CASD1: variants seen among roughly 807,000 people sequenced by gnomAD.
CASD1 encodes the protein CAS1 domain sialic acid O acetyltransferase 1.
A neutral mutation model predicts 100.0 loss-of-function variants in CASD1; 41 were observed. The ratio of observed to expected loss-of-function variants is 0.41; its 90% CI spans 0.32 to 0.53. CASD1 has a LOEUF of 0.53. CASD1 is among the 20% of genes least tolerant of loss of function. The probability of loss-of-function intolerance (pLI) is 0.25; values close to 1 mark genes in which losing one functional copy is unlikely to be tolerated. For missense variants in CASD1, 774 were observed against 948.7 expected (o/e 0.82, Z 2.42); for synonymous variants, 321 against 315.6 (o/e 1.02, Z -0.18).
At chr7:94,532,551 T>TA (rs1224094605) in intron 5 of CASD1, among the ~76,000 whole-genome samples, 3 of 152,182 alleles carry the variant, frequency 2.0e-5, no homozygotes, top group Admixed American at 6.5e-5. Flanking sequence ...GCACATAATT[T>TA]AAAACTTAGG....
At position 94,510,163 on chromosome 7, in the gene CASD1, C is replaced by T; in HGVS notation, c.79C>T (p.Leu27=). ...FSVRSAKVLA[L]VAVLLLAACH... Reference sequence around the variant, plus strand: ...CGTGAGGAGCGCCAAGGTGCTGGCGCTGGTGGCCGTGCTGCTGCTCGCAGC... The same window carrying T: ...CGTGAGGAGCGCCAAGGTGCTGGCGTTGGTGGCCGTGCTGCTGCTCGCAGC... Residue 27 remains leucine, a synonymous_variant, in exon 1 of 18, where the codon CTG becomes TTG. Transcript: ENST00000297273. 1.3e-6 allele frequency: 2 copies of T among 1,526,476 alleles called. No individual in the cohort carries two copies. The highest frequency in any genetic ancestry group is 8.8e-7 in the Non-Finnish European group (1 of 1,135,762). The allele number at this position is 1,526,476 out of a possible 1,614,324, so 94.6% of individuals were successfully genotyped here.
At chr7:94,510,326 C>T in intron 1 of CASD1, 109 bp downstream of exon 1, 1 of 867,640 alleles carries the variant, frequency 1.2e-6, no homozygotes, top group Non-Finnish European at 1.6e-6. Flanking sequence ...TTCCGCCGGC[C>T]CGGCCCGCGG....
the CASD1 span, among the ~76,000 whole-genome samples, chr7:94,605,048 G>T: frequency 6.6e-6 from 1 of 151,312 alleles, no homozygotes; most frequent in Non-Finnish European, 1.5e-5. Context: ...TATTACTAAA[G>T]ATCTACTTAT....
At chr7:94,529,906 T>C (rs1794764783) in intron 5 of CASD1, among the ~76,000 whole-genome samples, 1 of 152,174 alleles carries the variant, frequency 6.6e-6, no homozygotes. Flanking sequence ...ACTTATTAAC[T>C]AGAATAGCCT....
At chr7:94,566,030 C>T in the CASD1 span, among the ~76,000 whole-genome samples, 4 of 152,112 alleles carry the variant, frequency 2.6e-5, no homozygotes, top group African/African-American at 7.2e-5. Flanking sequence ...GCTCTAGTAC[C>T]GCTTCCATGC....
At chr7:94,554,660 A>G in intron 17 of CASD1, 85 bp downstream of exon 17, 1 of 762,466 alleles carries the variant, frequency 1.3e-6, no homozygotes, top group Non-Finnish European at 2.2e-6. Context: ...AATATCACAC[A>G]TATATGTGAG....
the CASD1 span, among the ~76,000 whole-genome samples, chr7:94,572,415 CTTGG>C: frequency 6.6e-6 from 1 of 152,060 alleles, no homozygotes; most frequent in East Asian, 1.9e-4. Flanking sequence ...GTTGGCTTGG[CTTGG>C]TTGGTGGTGG....
At chr7:94,631,210 A>G in the CASD1 span, among the ~76,000 whole-genome samples, 1 of 152,008 alleles carries the variant, frequency 6.6e-6, no homozygotes, top group African/African-American at 2.4e-5. Flanking sequence ...TCTACTCAAG[A>G]ACAATGTACT....
At chr7:94,533,547 CTGAA>C (rs1794955888) in intron 6 of CASD1, 128 bp from the exon 7 acceptor site, 1 of 708,226 alleles carries the variant, frequency 1.4e-6, no homozygotes, top group South Asian at 3.6e-5. Context: ...ACTAATTTGA[CTGAA>C]TTTTATTCTA....
Position 94,554,503 on chromosome 7 carries a change from A to G in CASD1, c.2055A>G (p.Ile685Met). The G allele has an allele frequency of 6.2e-7, 1 of 1,610,334 alleles. No homozygotes were observed. Among genetic ancestry groups the G allele is most frequent in the Non-Finnish European group, 8.5e-7 (1 of 1,178,028 alleles). ...TTTAGATTTTAGCCTTCATCCTAAT[A>G]AGAAACATCCCTGGATATGCCCGTT... ...SVVQILAFIL[I>M]RNIPGYARSV... is the part of the protein sequence containing the mutation. Residue 685 changes from isoleucine to methionine, a missense_variant, in exon 17 of 18, where the codon ATA becomes ATG. By Grantham distance (10) the Ile-to-Met change is conservative (BLOSUM62 1). Around this residue, in one of 5 missense-constraint regions of CASD1, gnomAD observed 175 missense variants for 206.9 expected, o/e 0.85. Coordinates refer to ENST00000297273, the MANE Select transcript of CASD1 (RefSeq NM_022900.5).
the CASD1 span, among the ~76,000 whole-genome samples, chr7:94,594,170 A>G: frequency 1.6e-4 from 25 of 152,146 alleles, no homozygotes; most frequent in Non-Finnish European, 7.4e-5. Flanking sequence ...AATACGTAAT[A>G]GATTTTTGAT....
chr7:94,621,372 C>T, the CASD1 span: 1 of 152,344 alleles, frequency 6.6e-6, no homozygotes, highest in South Asian at 2.1e-4. Flanking sequence ...TCTACTACTC[C>T]TTCTCACTAG....
At chr7:94,621,704 T>A in the CASD1 span, 1 of 152,202 alleles carries the variant, frequency 6.6e-6, no homozygotes, top group East Asian at 1.9e-4. Context: ...TAATGATGAA[T>A]TCCTAAGGAG....
the CASD1 span, chr7:94,600,592 A>G: frequency 3.8e-6 from 5 of 1,324,168 alleles, no homozygotes; most frequent in South Asian, 4.9e-5. Context: ...GGAATCTTCT[A>G]TGTTGTTATC....
chr7:94,588,521 G>T, the CASD1 span: 1 of 1,449,648 alleles, frequency 6.9e-7, no homozygotes, highest in African/African-American at 1.4e-5. Flanking sequence ...GCCAATCTAT[G>T]TAATAATCTA....
the CASD1 span, among the ~76,000 whole-genome samples, chr7:94,631,224 C>A: frequency 6.6e-6 from 1 of 151,868 alleles, no homozygotes; most frequent in South Asian, 2.1e-4. Flanking sequence ...ATGTACTTAC[C>A]AGCAGGAATA....
chr7:94,573,241 GT>G, the CASD1 span, among the ~76,000 whole-genome samples: 3 of 151,986 alleles, frequency 2.0e-5, no homozygotes, highest in African/African-American at 7.2e-5. Context: ...TTTTAAAATA[GT>G]TTTTTTTCTA....
the CASD1 span, among the ~76,000 whole-genome samples, chr7:94,575,799 C>T: frequency 5.3e-5 from 8 of 152,298 alleles, no homozygotes; most frequent in East Asian, 5.8e-4. Context: ...TTGAAAATGT[C>T]ATCCCACTGC....
chr7:94,598,733 A>G, the CASD1 span: 1 of 1,283,938 alleles, frequency 7.8e-7, no homozygotes, highest in South Asian at 1.2e-5. Context: ...TAGTAAAAAT[A>G]TACATGCATA....
Sources: gnomAD v4.1 joint callset for allele counts (sites outside exome capture counted in the v4.1 genomes callset) on GRCh38, gnomAD v4.1.1 for gene constraint, gnomAD v4.1.1 regional missense constraint, MANE v1.5 for transcripts, NCBI Gene and HGNC (gene_info 2026-07-23, HGNC 2026-07-21) for gene names.